PRTFDC1: variants seen among roughly 807,000 people sequenced by gnomAD.
PRTFDC1 encodes phosphoribosyltransferase domain-containing protein 1.
A neutral mutation model predicts 34.6 loss-of-function variants in PRTFDC1; 38 were observed. The observed-to-expected ratio is 1.10, with a 90% confidence interval of 0.85 to 1.44. The LOEUF (loss-of-function observed/expected upper bound fraction) is 1.44, where lower values mean the gene tolerates loss of function less well. Among genes scored for constraint, PRTFDC1 ranks in the 40% most tolerant of loss-of-function variants. The pLI is 0.00. For synonymous variants in PRTFDC1, 93 were observed against 98.1 expected, an observed-to-expected ratio of 0.95 and a Z score of 0.31; for missense variants, 270 against 283.0, an observed-to-expected ratio of 0.95 and a Z score of 0.33.
At chr10:24,923,562 C>T (rs764271540) in intron 3 of PRTFDC1, among the ~76,000 whole-genome samples, 8 of 152,130 alleles carry the variant, frequency 5.3e-5, no homozygotes, top group Non-Finnish European at 8.8e-5. Context: ...AGCTGAGGGG[C>T]CTGTTAGAAG....
At chr10:24,882,465 G>A (rs562679591) in intron 3 of PRTFDC1, among the ~76,000 whole-genome samples, 4 of 152,240 alleles carry the variant, frequency 2.6e-5, no homozygotes, top group South Asian at 4.1e-4. Context: ...AGCATTCAGC[G>A]TTTGTTGAGC....
chr10:24,870,931 G>A (rs1406644069), intron 4 of PRTFDC1, among the ~76,000 whole-genome samples: 1 of 151,958 alleles, frequency 6.6e-6, no homozygotes, highest in Non-Finnish European at 1.5e-5. Flanking sequence ...AATTACCCGG[G>A]CATGGTGGCA....
At chr10:24,912,292 AAAAG>A (rs1564310599) in intron 3 of PRTFDC1, among the ~76,000 whole-genome samples, 5 of 142,174 alleles carry the variant, frequency 3.5e-5, no homozygotes, top group African/African-American at 1.4e-4. Context: ...AAAAAAAAAA[AAAAG>A]AAAGAAATTG....
chr10:24,915,198 A>G (rs780754385), intron 3 of PRTFDC1, among the ~76,000 whole-genome samples: 11 of 152,180 alleles, frequency 7.2e-5, no homozygotes, highest in Non-Finnish European at 1.5e-4. Flanking sequence ...AAAAATTAGC[A>G]TGTGATATTG....
At chr10:24,894,110 C>A (rs966076483) in intron 3 of PRTFDC1, among the ~76,000 whole-genome samples, 2 of 151,924 alleles carry the variant, frequency 1.3e-5, no homozygotes, top group African/African-American at 4.8e-5. Flanking sequence ...AGGTGGGGGA[C>A]CACGAGGTCA....
In PRTFDC1 at chr10:24,942,325, C is replaced by A. The variant is rs199963721; in HGVS notation, c.155+5G>T. ...ACCAAGATTGACACAGGAAATCACA[C>A]TCACCTGTCCACAATGATACCATGA... On this transcript the variant is annotated splice_donor_5th_base_variant and intron_variant, in intron 2 of 8. Transcript: ENST00000320152. 2.6e-5 allele frequency: 41 copies of A among 1,600,898 alleles called. No homozygotes were observed. Among genetic ancestry groups the A allele is most frequent in the Non-Finnish European group, 3.4e-5 (40 of 1,168,080 alleles).
rs115987004 is a variant in PRTFDC1, at chr10:24,936,862, G to T, written c.339+322C>A. Among the ~76,000 whole-genome samples, 990 of 152,238 alleles carry T rather than the reference G, an allele frequency of 6.5e-3. 5 individuals are homozygous for T. Among genetic ancestry groups the T allele is most frequent in the African/African-American group, 0.022 (921 of 41,530 alleles). ...TCCAGAGTAGAAAAAACAAATCAGT[G>T]TTCACACTCTGACCACACACAGTTG... On this transcript the variant is annotated intron_variant, in intron 3 of 8. Coordinates refer to ENST00000320152, the MANE Select transcript of PRTFDC1 (RefSeq NM_020200.7).
intron 3 of PRTFDC1, among the ~76,000 whole-genome samples, chr10:24,892,481 T>A (rs1225065881): frequency 1.3e-5 from 2 of 152,154 alleles, no homozygotes; most frequent in Non-Finnish European, 2.9e-5. Flanking sequence ...TTGATTTGCA[T>A]TTCCCTGAAG....
intron 3 of PRTFDC1, among the ~76,000 whole-genome samples, chr10:24,927,813 C>A (rs2132593289): frequency 6.6e-6 from 1 of 151,388 alleles, no homozygotes; most frequent in South Asian, 2.1e-4. Context: ...ATCTCTTGAC[C>A]CTGTGATCTG....
At chr10:24,862,918 C>T (rs1247178297) in intron 4 of PRTFDC1, among the ~76,000 whole-genome samples, 1 of 152,082 alleles carries the variant, frequency 6.6e-6, no homozygotes, top group East Asian at 1.9e-4. Flanking sequence ...TGCTCTGTTG[C>T]CCAGGCTGGA....
At chr10:24,898,759 C>T (rs754330213) in intron 3 of PRTFDC1, among the ~76,000 whole-genome samples, 5 of 152,124 alleles carry the variant, frequency 3.3e-5, no homozygotes, top group Admixed American at 2.0e-4. Flanking sequence ...GCCAAGTATA[C>T]GTGTACCACA....
At chr10:24,883,135 A>G (rs1042774844) in intron 3 of PRTFDC1, among the ~76,000 whole-genome samples, 2 of 148,430 alleles carry the variant, frequency 1.3e-5, no homozygotes, top group African/African-American at 4.9e-5. Flanking sequence ...ATATAATATA[A>G]CATAAATATT....
rs114609407 is a variant in PRTFDC1, at chr10:24,922,808, G to A, written c.339+14376C>T. On this transcript the variant is annotated intron_variant, in intron 3 of 8. Coordinates refer to ENST00000320152, the MANE Select transcript of PRTFDC1 (RefSeq NM_020200.7). ...TTGGGACGGGTTGGACAGTGGGTGC[G>A]GCCCATAGGGGGCAAGCCGAAGTGG... Among the ~76,000 whole-genome samples the A allele has an allele frequency of 6.0e-3, 916 of 152,228 alleles. 5 individuals carry two copies. The highest frequency in any genetic ancestry group is 0.02 in the African/African-American group (847 of 41,562).
At chr10:24,884,043 G>A (rs1393945851) in intron 3 of PRTFDC1, among the ~76,000 whole-genome samples, 2 of 151,600 alleles carry the variant, frequency 1.3e-5, no homozygotes, top group African/African-American at 4.9e-5. Context: ...TATTGGCCAG[G>A]CTACTTTAGA....
intron 7 of PRTFDC1, among the ~76,000 whole-genome samples, chr10:24,854,288 C>T (rs530720234): frequency 6.6e-6 from 1 of 152,276 alleles, no homozygotes; most frequent in Non-Finnish European, 1.5e-5. Context: ...TTGACTACAT[C>T]CAGATTATAC....
At chr10:24,892,413 T>A (rs183076732) in intron 3 of PRTFDC1, among the ~76,000 whole-genome samples, 212 of 152,258 alleles carry the variant, frequency 1.4e-3, no homozygotes, top group Admixed American at 6.5e-3. Flanking sequence ...TGTGATTTTT[T>A]TTTTGTCTTT....
chr10:24,903,842 TTTATTA>T (rs57243977), intron 3 of PRTFDC1, among the ~76,000 whole-genome samples: 1 of 150,322 alleles, frequency 6.7e-6, no homozygotes, highest in Non-Finnish European at 1.5e-5. Flanking sequence ...ACCCAGCTAA[TTTATTA>T]TTATTATTAT....
At chr10:24,895,717 A>ATATC (rs1848348743) in intron 3 of PRTFDC1, among the ~76,000 whole-genome samples, 1 of 140,032 alleles carries the variant, frequency 7.1e-6, no homozygotes, top group African/African-American at 2.6e-5. Context: ...ATATATATAT[A>ATATC]TATATATATA....
chr10:24,938,375 C>T (rs1184533301), intron 2 of PRTFDC1, among the ~76,000 whole-genome samples: 1 of 152,168 alleles, frequency 6.6e-6, no homozygotes. Flanking sequence ...ATACAACAAA[C>T]TGAGAAGCAT....
Sources: gnomAD v4.1 joint callset for allele counts (sites outside exome capture counted in the v4.1 genomes callset) on GRCh38, gnomAD v4.1.1 for gene constraint, MANE v1.5 for transcripts, NCBI Gene and HGNC (gene_info 2026-07-23, HGNC 2026-07-21) for gene names.